The following MTUS1 variants were observed in gnomAD, a reference collection of about 807,000 sequenced individuals.
MTUS1 encodes the protein microtubule associated scaffold protein 1.
A neutral mutation model predicts 120.8 loss-of-function variants in MTUS1; 109 were observed. The ratio of observed to expected loss-of-function variants is 0.90; its 90% CI spans 0.77 to 1.06. The LOEUF (loss-of-function observed/expected upper bound fraction) is 1.06, where lower values mean the gene tolerates loss of function less well. Ranked by LOEUF, MTUS1 falls within the 50% of genes least tolerant of loss-of-function variation. The pLI is 0.00. For synonymous variants in MTUS1, 737 were observed against 550.5 expected (o/e 1.34, Z -4.74); for missense variants, 2,210 against 1,486.3 (o/e 1.49, Z -8.01).
intron 2 of MTUS1, among the ~76,000 whole-genome samples, chr8:17,748,539 C>T (rs1278515524): frequency 6.6e-6 from 1 of 152,170 alleles, no homozygotes; most frequent in East Asian, 1.9e-4. Context: ...TGATGACACA[C>T]CGGTGTCCAT....
Position 17,719,169 on chromosome 8 carries a change from C to CA in MTUS1, c.2450-3269dup, listed in dbSNP as rs747139762. On this transcript the variant is annotated intron_variant, in intron 4 of 14. Coordinates refer to ENST00000693296, the MANE Select transcript of MTUS1 (RefSeq NM_001363059.2). ...TGGGCAACAGAGTGAGACTCTGTCT[C>CA]AAAAAAAAAGAAAAGGGCTTCTCAT... Among the ~76,000 whole-genome samples, 10 of 149,808 alleles carry CA rather than the reference C, an allele frequency of 6.7e-5. 1 individual carries two copies. Among genetic ancestry groups the CA allele is most frequent in the South Asian group, 2.1e-4 (1 of 4,712 alleles).
chr8:17,719,572 T>C (rs1047254342), intron 4 of MTUS1, among the ~76,000 whole-genome samples: 1 of 152,232 alleles, frequency 6.6e-6, no homozygotes, highest in African/African-American at 2.4e-5. Context: ...TGTTTTGTGA[T>C]GTGGAGCCTA....
intron 8 of MTUS1, among the ~76,000 whole-genome samples, chr8:17,671,983 GA>G (rs1466515745): frequency 3.9e-5 from 6 of 151,936 alleles, no homozygotes; most frequent in African/African-American, 1.5e-4. Flanking sequence ...TATCACCAGC[GA>G]AAAAACCATA....
At chr8:17,659,298 A>C (rs1054749877) in intron 8 of MTUS1, among the ~76,000 whole-genome samples, 2 of 152,234 alleles carry the variant, frequency 1.3e-5, no homozygotes, top group African/African-American at 4.8e-5. Flanking sequence ...GGACCAGGCC[A>C]GACCTTGGGG....
At chr8:17,672,705 C>G (rs946727007) in intron 8 of MTUS1, among the ~76,000 whole-genome samples, 9 of 152,316 alleles carry the variant, frequency 5.9e-5, no homozygotes, top group Admixed American at 1.3e-4. Flanking sequence ...GACACATTCC[C>G]TAAGAAGCCA....
At chr8:17,788,824 G>A (rs1379660359) in intron 1 of MTUS1, among the ~76,000 whole-genome samples, 1 of 152,110 alleles carries the variant, frequency 6.6e-6, no homozygotes, top group Non-Finnish European at 1.5e-5. Flanking sequence ...CCTTTGTCAT[G>A]AAAATCAGTA....
At position 17,754,124 on chromosome 8, in the gene MTUS1, T is replaced by G. The variant is rs1335265107; in HGVS notation, c.1684A>C (p.Asn562His). 6.2e-7 allele frequency: 1 copy of G among 1,613,978 alleles called. No homozygotes were observed. The highest frequency in any genetic ancestry group is 1.1e-5 in the South Asian group (1 of 91,066). ...AGAATTTCTGCTTTTTTGTCTGCAT[T>G]CAAGTCAGATCTCGGTGTTCTGCTC... ...VLSRTPRSDL[N>H]ADKKAEILIN... Residue 562 changes from asparagine to histidine, a missense_variant, in exon 2 of 15, where the codon AAT becomes CAT. Asn to His is a moderately conservative substitution (Grantham distance 68). Coordinates refer to ENST00000693296, the MANE Select transcript of MTUS1 (RefSeq NM_001363059.2).
chr8:17,786,982 T>C (rs1036966076), intron 1 of MTUS1, among the ~76,000 whole-genome samples: 1 of 152,226 alleles, frequency 6.6e-6, no homozygotes, highest in Non-Finnish European at 1.5e-5. Context: ...TAAAAAAGAC[T>C]CTTTCCTAGT....
rs547497282 is a variant in MTUS1, at chr8:17,656,035, T to G, written c.2936A>C (p.Glu979Ala). The G allele has an allele frequency of 3.7e-6, 6 of 1,614,202 alleles. No homozygotes were observed. In the African/African-American group the frequency reaches 8.0e-5, roughly 22 times the overall value. The change falls in exon 9 of 15, where the codon GAA (glutamate) becomes GCA (alanine). Residue 979 changes from glutamate to alanine, a missense_variant. Transcript: ENST00000693296. ...TGTTTGTAACTCATTCCTGGCTTTT[T>G]CTAATTTCTCACAGGTGGTTGAAGC... ...VTASTTCEKL[E>A]KARNELQTVY... is the part of the protein sequence containing the mutation.
chr8:17,754,829 A>G lies in MTUS1; in HGVS notation c.979T>C (p.Ser327Pro). 6.2e-6 allele frequency: 10 copies of G among 1,614,216 alleles called. No individual in the cohort carries two copies. Among genetic ancestry groups the G allele is most frequent in the Non-Finnish European group, 8.5e-6 (10 of 1,180,046 alleles). The change falls in exon 2 of 15, where the codon TCA becomes CCA. Residue 327 changes from serine (S) to proline (P), a missense_variant. Coordinates refer to ENST00000693296, the MANE Select transcript of MTUS1 (RefSeq NM_001363059.2). ...ESNSEPHSQS[S>P]YRHKEMGQNL... ...TGGCCCATTTCCTTGTGCCTGTATG[A>G]GCTCTGTGAATGTGGTTCGCTATTG...
intron 1 of MTUS1, among the ~76,000 whole-genome samples, chr8:17,762,520 C>T (rs575667900): frequency 1.3e-5 from 2 of 152,214 alleles, no homozygotes; most frequent in South Asian, 2.1e-4. Context: ...CTACGTTTAA[C>T]GGAGCATGTC....
chr8:17,663,218 G>A (rs1376768588), intron 8 of MTUS1, among the ~76,000 whole-genome samples: 1 of 152,172 alleles, frequency 6.6e-6, no homozygotes, highest in Non-Finnish European at 1.5e-5. Flanking sequence ...CTGCAGAACT[G>A]GAGTGGAGCC....
intron 2 of MTUS1, among the ~76,000 whole-genome samples, chr8:17,747,108 G>A (rs1044389991): frequency 6.6e-6 from 1 of 152,132 alleles, no homozygotes; most frequent in African/African-American, 2.4e-5. Context: ...GACACCTTCT[G>A]TCTGTCTTCC....
intron 3 of MTUS1, among the ~76,000 whole-genome samples, chr8:17,724,767 T>G (rs1253884321): frequency 6.6e-6 from 1 of 152,168 alleles, no homozygotes; most frequent in African/African-American, 2.4e-5. Flanking sequence ...TTTTCTCTAC[T>G]TTCCTCTAAC....
At chr8:17,648,869 G>A (rs923569589) in intron 13 of MTUS1, among the ~76,000 whole-genome samples, 4 of 152,336 alleles carry the variant, frequency 2.6e-5, no homozygotes, top group South Asian at 2.1e-4. Flanking sequence ...GCAAGGCACC[G>A]CGAGGGCGGG....
At chr8:17,656,767 G>C (rs1007354224) in intron 8 of MTUS1, among the ~76,000 whole-genome samples, 2 of 151,776 alleles carry the variant, frequency 1.3e-5, no homozygotes, top group Non-Finnish European at 2.9e-5. Context: ...CAGGAAAGAC[G>C]AGGGATAAGA....
chr8:17,765,678 C>CCACACACACACA (rs60406848), intron 1 of MTUS1, among the ~76,000 whole-genome samples: 481 of 130,142 alleles, frequency 3.7e-3, no homozygotes, highest in Admixed American at 6.0e-3. Context: ...AATACAGACA[C>CCACACACACACA]CACACACACA....
At position 17,692,169 on chromosome 8, in the gene MTUS1, T is replaced by G. The variant is rs528854675; in HGVS notation, c.2624-7627A>C. ...GTTCTGCCTTCTCTGTGGCAGATAT[T>G]CCAATAGAGCTCTTATAACATTTTA... On this transcript the variant is annotated intron_variant, in intron 6 of 14. Coordinates refer to ENST00000693296, the MANE Select transcript of MTUS1 (RefSeq NM_001363059.2). 2.0e-5 allele frequency: 3 copies of G among 152,300 alleles called. No individual in the cohort carries two copies. The South Asian group carries it at 6.2e-4, about 32-fold the overall frequency. The allele number at this position is 152,300 out of a possible 1,614,324, so 9.4% of individuals were successfully genotyped here. A position where few individuals can be genotyped will look rare whatever the true frequency, so the allele number is the denominator to read the frequency against.
At chr8:17,655,180 G>A (rs374065703) in intron 9 of MTUS1, among the ~76,000 whole-genome samples, 8 of 149,442 alleles carry the variant, frequency 5.4e-5, no homozygotes, top group African/African-American at 2.0e-4. Context: ...GCACTCTGTA[G>A]ATATTTACTA....
Sources: gnomAD v4.1 joint callset for allele counts (sites outside exome capture counted in the v4.1 genomes callset) on GRCh38, gnomAD v4.1.1 for gene constraint, MANE v1.5 for transcripts, NCBI Gene and HGNC (gene_info 2026-07-23, HGNC 2026-07-21) for gene names.